PLEKHA7: variants seen among roughly 807,000 people sequenced by gnomAD.
PLEKHA7 encodes pleckstrin homology domain containing A7, also known as pleckstrin homology domain-containing family A member 7.
Under a neutral mutation model 170.0 loss-of-function variants are expected in PLEKHA7, and 104 were observed. The observed-to-expected ratio is 0.61, with a 90% CI of 0.52 to 0.72. The LOEUF (loss-of-function observed/expected upper bound fraction) is 0.72. Among genes scored for constraint, PLEKHA7 ranks in the 30% least tolerant of loss-of-function variants. The probability of loss-of-function intolerance (pLI) is 0.00; values close to 1 mark genes in which losing one functional copy is unlikely to be tolerated. For synonymous variants in PLEKHA7, 648 were observed against 660.8 expected, an observed-to-expected ratio of 0.98 and a Z score of 0.30; for missense variants, 1,615 against 1,671.7, an observed-to-expected ratio of 0.97 and a Z score of 0.59.
intron 15 of PLEKHA7, among the ~76,000 whole-genome samples, chr11:16,802,505 A>G (rs1239578526): frequency 6.6e-6 from 1 of 152,060 alleles, no homozygotes; most frequent in Non-Finnish European, 1.5e-5. Context: ...GAGGGTCTCT[A>G]TAAGATAGAA....
intron 3 of PLEKHA7, among the ~76,000 whole-genome samples, chr11:16,913,774 C>A (rs942416809): frequency 1.3e-5 from 2 of 152,186 alleles, no homozygotes; most frequent in South Asian, 4.1e-4. Flanking sequence ...CTTCTGTGCA[C>A]AATGGTCAGA....
intron 4 of PLEKHA7, among the ~76,000 whole-genome samples, chr11:16,868,452 T>A (rs1045327195): frequency 6.6e-6 from 1 of 152,134 alleles, no homozygotes; most frequent in African/African-American, 2.4e-5. Flanking sequence ...AGTGGGGAGA[T>A]GTATCTGTTC....
At chr11:16,967,389 TTC>T (rs1862437217) in intron 3 of PLEKHA7, among the ~76,000 whole-genome samples, 1 of 152,206 alleles carries the variant, frequency 6.6e-6, no homozygotes, top group African/African-American at 2.4e-5. Flanking sequence ...TTGGCTTCTG[TTC>T]TCTTATAGCA....
rs545982433 is a variant in PLEKHA7, at chr11:16,965,046, T to C, written c.221+48943A>G. Among the ~76,000 whole-genome samples, 5 of 151,034 alleles carry C rather than the reference T, an allele frequency of 3.3e-5. No individual in the cohort carries two copies. In the South Asian group the frequency reaches 8.4e-4, roughly 25 times the overall value. ...GGTTTGGGCCAGATACAGTGGCTCATGCCTGTAATCCCAGCACTTTGGGTG... is the reference window on the plus strand; with the variant it reads ...GGTTTGGGCCAGATACAGTGGCTCACGCCTGTAATCCCAGCACTTTGGGTG... On this transcript the variant is annotated intron_variant, in intron 3 of 26. Transcript: ENST00000531066.
rs371919509 is a variant in PLEKHA7 at position 16,935,040 on chromosome 11, A to G, written c.222-63858T>C. Among the ~76,000 whole-genome samples the G allele has an allele frequency of 1.5e-4, 23 of 152,368 alleles. No individual in the cohort carries two copies. The East Asian group carries it at 3.1e-3, about 20-fold the overall frequency. ...GGCTCTTACCATTCAAACTAGGAAC[A>G]AGACGCCAGTTCAGTAACTGTGTTA... On this transcript the variant is annotated intron_variant, in intron 3 of 26. Transcript: ENST00000531066.
Position 16,816,930 on chromosome 11 carries a change from G to A in PLEKHA7, c.1736C>T (p.Pro579Leu). The change falls in exon 11 of 27, where the codon CCA becomes CTA. Residue 579 changes from proline (P) to leucine (L), a missense_variant. Coordinates refer to ENST00000531066, the MANE Select transcript of PLEKHA7 (RefSeq NM_001329630.2). The stretch of plus-strand genomic sequence containing the variant: ...TGGCCGCCGGGGTGGGAAGACCCTT[G>A]GGGGTCCTGGGGGAGGGATGTCCGA... ...SPSDIPPPGP[P>L]RVFPPRRPHT... 6.2e-7 allele frequency: 1 copy of A among 1,613,488 alleles called. No homozygotes were observed.
chr11:16,874,679 A>C (rs1163194664), intron 3 of PLEKHA7, among the ~76,000 whole-genome samples: 1 of 152,208 alleles, frequency 6.6e-6, no homozygotes, highest in South Asian at 2.1e-4. Flanking sequence ...TCAGAAGCAC[A>C]GCCCAGCTGC....
chr11:16,847,050 G>C (rs1027070736), intron 8 of PLEKHA7, among the ~76,000 whole-genome samples: 1 of 151,666 alleles, frequency 6.6e-6, no homozygotes, highest in Non-Finnish European at 1.5e-5. Flanking sequence ...TAAGAGTTGG[G>C]GAAAGGGCAT....
intron 3 of PLEKHA7, among the ~76,000 whole-genome samples, chr11:16,995,634 C>T (rs544230577): frequency 6.6e-6 from 1 of 152,298 alleles, no homozygotes; most frequent in South Asian, 2.1e-4. Context: ...TGATATCCCC[C>T]AGAGTATAAC....
chr11:17,000,342 C>A (rs1864591956), intron 3 of PLEKHA7, among the ~76,000 whole-genome samples: 1 of 152,206 alleles, frequency 6.6e-6, no homozygotes, highest in Non-Finnish European at 1.5e-5. Flanking sequence ...GATCCACCTG[C>A]CTCAGCCTCC....
At chr11:16,962,949 G>A (rs1318617569) in intron 3 of PLEKHA7, among the ~76,000 whole-genome samples, 3 of 152,262 alleles carry the variant, frequency 2.0e-5, no homozygotes, top group Non-Finnish European at 4.4e-5. Flanking sequence ...CTGAGTTAAA[G>A]ATACAAGAGA....
chr11:17,000,424 C>A (rs1051226324), intron 3 of PLEKHA7, among the ~76,000 whole-genome samples: 2 of 152,178 alleles, frequency 1.3e-5, no homozygotes, highest in Non-Finnish European at 2.9e-5. Context: ...TCTGGTTGGA[C>A]ACAGCCACAC....
intron 4 of PLEKHA7, among the ~76,000 whole-genome samples, chr11:16,864,578 G>A (rs1442863923): frequency 6.6e-6 from 1 of 152,174 alleles, no homozygotes; most frequent in African/African-American, 2.4e-5. Context: ...CCCAGTGGAA[G>A]GTAATTGAAT....
chr11:16,958,391 A>AT (rs370962913), intron 3 of PLEKHA7, among the ~76,000 whole-genome samples: 3 of 152,162 alleles, frequency 2.0e-5, no homozygotes, highest in East Asian at 1.9e-4. Context: ...TATTTATGGG[A>AT]TTTTTTAAGT....
intron 3 of PLEKHA7, among the ~76,000 whole-genome samples, chr11:17,005,142 C>T (rs1250973940): frequency 2.0e-5 from 3 of 152,226 alleles, no homozygotes; most frequent in African/African-American, 7.2e-5. Flanking sequence ...CTGGCATCTC[C>T]CTGCCCCTGC....
intron 5 of PLEKHA7, 75 bp from the exon 6 acceptor site, chr11:16,855,068 A>C: frequency 7.9e-7 from 1 of 1,259,532 alleles, no homozygotes; most frequent in Non-Finnish European, 1.2e-6. Context: ...TGTTAGGAGG[A>C]CCGTCGGCTC....
chr11:16,838,991 G>A (rs762314864), intron 9 of PLEKHA7, among the ~76,000 whole-genome samples: 82 of 152,038 alleles, frequency 5.4e-4, no homozygotes, highest in Non-Finnish European at 9.1e-4. Context: ...CGGCCACACA[G>A]CTTTCTTTAA....
chr11:16,943,150 T>C (rs1182817454), intron 3 of PLEKHA7, among the ~76,000 whole-genome samples: 1 of 152,238 alleles, frequency 6.6e-6, no homozygotes, highest in Non-Finnish European at 1.5e-5. Flanking sequence ...ACTTCTAGGT[T>C]TTTAAAAAGA....
chr11:16,835,928 T>A (rs1851476800), intron 9 of PLEKHA7, among the ~76,000 whole-genome samples: 2 of 152,140 alleles, frequency 1.3e-5, no homozygotes, highest in African/African-American at 4.8e-5. Flanking sequence ...CCCTAACACT[T>A]CCTTGGGAAT....
Sources: gnomAD v4.1 joint callset for allele counts (sites outside exome capture counted in the v4.1 genomes callset) on GRCh38, gnomAD v4.1.1 for gene constraint, MANE v1.5 for transcripts, NCBI Gene and HGNC (gene_info 2026-07-23, HGNC 2026-07-21) for gene names.